DCDC2: variants seen among roughly 807,000 people sequenced by gnomAD.
DCDC2 encodes the protein doublecortin domain containing 2.
DCDC2 carries 40 observed loss-of-function variants against 50.2 expected under a neutral mutation model. The ratio of observed to expected loss-of-function variants is 0.80; its 90% CI spans 0.62 to 1.04. DCDC2 has a LOEUF of 1.04. DCDC2 is among the 50% of genes least tolerant of loss of function. DCDC2 has a pLI of 0.00. For synonymous variants in DCDC2, 234 were observed against 210.6 expected (o/e 1.11, Z -0.96); for missense variants, 570 against 581.9 (o/e 0.98, Z 0.21).
At chr6:24,198,083 ACACACAAAGCAAATAT>A in intron 8 of DCDC2, among the ~76,000 whole-genome samples, 1 of 152,350 alleles carries the variant, frequency 6.6e-6, no homozygotes, top group South Asian at 2.1e-4. Context: ...GAAAATCAAT[ACACACAAAGCAAATAT>A]TTGACTTACA....
At chr6:24,350,136 T>C (rs1282305027) in intron 2 of DCDC2, among the ~76,000 whole-genome samples, 1 of 152,178 alleles carries the variant, frequency 6.6e-6, no homozygotes, top group Non-Finnish European at 1.5e-5. Flanking sequence ...TGTCCTTAAG[T>C]ATCTCTTCAA....
chr6:24,274,236 A>G (rs1763301787), intron 7 of DCDC2, among the ~76,000 whole-genome samples: 1 of 152,220 alleles, frequency 6.6e-6, no homozygotes, highest in African/African-American at 2.4e-5. Context: ...TTCTAAAAGC[A>G]CTACATTTTT....
chr6:24,182,232 G>A (rs559201314), intron 8 of DCDC2, among the ~76,000 whole-genome samples: 21 of 152,222 alleles, frequency 1.4e-4, no homozygotes, highest in African/African-American at 5.1e-4. Flanking sequence ...TAAGGCAAAA[G>A]CTTTTTGGCA....
intron 7 of DCDC2, among the ~76,000 whole-genome samples, chr6:24,237,536 A>G (rs1030102165): frequency 4.6e-5 from 7 of 152,230 alleles, no homozygotes; most frequent in African/African-American, 1.4e-4. Context: ...CTAAAAATAG[A>G]ACTATAATTG....
chr6:24,212,373 G>A (rs1274477639), intron 7 of DCDC2, among the ~76,000 whole-genome samples: 4 of 152,072 alleles, frequency 2.6e-5, no homozygotes, highest in Non-Finnish European at 5.9e-5. Flanking sequence ...TGCTCCTCCT[G>A]CCAAAAAGAC....
At chr6:24,258,954 T>G (rs115549515) in intron 7 of DCDC2, among the ~76,000 whole-genome samples, 2,819 of 152,316 alleles carry the variant, frequency 0.019, 77 homozygotes, top group African/African-American at 0.061. Context: ...ATCTTCATTG[T>G]GCACTAAAGG....
At chr6:24,362,751 TC>T (rs992778786), upstream of DCDC2, among the ~76,000 whole-genome samples, 12 of 152,168 alleles carry the variant, frequency 7.9e-5, no homozygotes, top group African/African-American at 2.9e-4. Context: ...TTCCTATGTT[TC>T]CTGTCTCCAC....
chr6:24,258,727 A>C (rs1473593472), intron 7 of DCDC2, among the ~76,000 whole-genome samples: 2 of 152,132 alleles, frequency 1.3e-5, no homozygotes, highest in African/African-American at 4.8e-5. Flanking sequence ...TCACACACAT[A>C]ACTCTGAGCC....
chr6:24,211,515 CAG>C (rs1325882845), intron 7 of DCDC2, among the ~76,000 whole-genome samples: 1 of 152,158 alleles, frequency 6.6e-6, no homozygotes, highest in Non-Finnish European at 1.5e-5. Context: ...GGTTGCTAAG[CAG>C]CTGACCTTGA....
intron 2 of DCDC2, among the ~76,000 whole-genome samples, chr6:24,351,705 T>G (rs1760375807): frequency 6.6e-6 from 1 of 152,178 alleles, no homozygotes; most frequent in Non-Finnish European, 1.5e-5. Context: ...CGTTGGCTCA[T>G]GTGTAAGTGC....
chr6:24,220,643 A>G (rs531382788), intron 7 of DCDC2, among the ~76,000 whole-genome samples: 1 of 152,316 alleles, frequency 6.6e-6, no homozygotes, highest in South Asian at 2.1e-4. Flanking sequence ...CATATTATGT[A>G]TGGGTCACAG....
At chr6:24,261,901 T>C (rs1170325991) in intron 7 of DCDC2, among the ~76,000 whole-genome samples, 2 of 151,962 alleles carry the variant, frequency 1.3e-5, no homozygotes, top group Non-Finnish European at 2.9e-5. Flanking sequence ...AAATTCTATG[T>C]CAGGAAATGA....
At chr6:24,352,915 GT>G (rs1760398469) in intron 2 of DCDC2, among the ~76,000 whole-genome samples, 1 of 152,072 alleles carries the variant, frequency 6.6e-6, no homozygotes, top group Non-Finnish European at 1.5e-5. Context: ...CCCCAACTTT[GT>G]TTTTAATCTA....
At chr6:24,255,933 C>T (rs1021541430) in intron 7 of DCDC2, among the ~76,000 whole-genome samples, 2 of 151,958 alleles carry the variant, frequency 1.3e-5, no homozygotes, top group African/African-American at 2.4e-5. Context: ...AGAGGAAAAT[C>T]GAAAGAACAT....
chr6:24,325,370 G>T lies in DCDC2; in HGVS notation c.349-23326C>A, dbSNP rs766986830. Among the ~76,000 whole-genome samples the T allele has an allele frequency of 2.7e-5, 4 of 149,608 alleles. 1 individual carries two copies. The highest frequency in any genetic ancestry group is 5.9e-5 in the Non-Finnish European group (4 of 67,268). On this transcript the variant is annotated intron_variant, in intron 2 of 9. Transcript: ENST00000378454. ...GTGCCATCTAGAGAAAATGTGAGAGGCTGGAAGCCTCAATCAACTGTCTTC... is the reference window on the plus strand; with the variant it reads ...GTGCCATCTAGAGAAAATGTGAGAGTCTGGAAGCCTCAATCAACTGTCTTC...
At chr6:24,367,143 T>C in the DCDC2 span, among the ~76,000 whole-genome samples, 2 of 152,216 alleles carry the variant, frequency 1.3e-5, no homozygotes, top group African/African-American at 4.8e-5. Flanking sequence ...GCTAAATGTC[T>C]AAACCTTTTT....
At chr6:24,192,716 T>C (rs534732842) in intron 8 of DCDC2, among the ~76,000 whole-genome samples, 19 of 152,190 alleles carry the variant, frequency 1.2e-4, no homozygotes, top group African/African-American at 4.6e-4. Context: ...TTATTTTTTT[T>C]CAGTGAGAAA....
chr6:24,372,002 C>T, the DCDC2 span, among the ~76,000 whole-genome samples: 1 of 152,182 alleles, frequency 6.6e-6, no homozygotes, highest in Admixed American at 6.5e-5. Flanking sequence ...GAAATAGGAA[C>T]ACTTTTACAC....
chr6:24,178,701 G>T, intron 8 of DCDC2, 69 bp from the exon 9 acceptor site: 1 of 1,396,320 alleles, frequency 7.2e-7, no homozygotes, highest in Non-Finnish European at 9.8e-7. Flanking sequence ...GCACATCATA[G>T]TAATGTAATA....
Sources: gnomAD v4.1 joint callset for allele counts (sites outside exome capture counted in the v4.1 genomes callset) on GRCh38, gnomAD v4.1.1 for gene constraint, MANE v1.5 for transcripts, NCBI Gene and HGNC (gene_info 2026-07-23, HGNC 2026-07-21) for gene names.